RBFOX1: variants seen among roughly 807,000 people sequenced by gnomAD.
The protein encoded by RBFOX1 is RNA binding fox-1 homolog 1.
Under a neutral mutation model 57.7 loss-of-function variants are expected in RBFOX1, and 8 were observed. That is an observed-to-expected ratio of 0.14 (90% CI 0.08 to 0.25). The LOEUF is 0.25. Among genes scored for constraint, RBFOX1 ranks in the 10% least tolerant of loss-of-function variants. The pLI is 1.00. For synonymous variants in RBFOX1, 326 were observed against 222.4 expected (o/e 1.47, Z -4.15); for missense variants, 611 against 548.5 (o/e 1.11, Z -1.14).
intron 4 of RBFOX1, among the ~76,000 whole-genome samples, chr16:7,270,453 A>G (rs1357160461): frequency 1.3e-5 from 2 of 152,232 alleles, no homozygotes; most frequent in Non-Finnish European, 2.9e-5. Context: ...TTCAGACCTT[A>G]TGGAAATGTA....
rs578086137 is a variant in RBFOX1 at position 6,298,725 on chromosome 16, C to T, written c.-126-18270C>T. Among the ~76,000 whole-genome samples, 119 of 152,292 alleles carry T rather than the reference C, an allele frequency of 7.8e-4. 1 individual carries two copies. Among genetic ancestry groups the T allele is most frequent in the Middle Eastern group, 3.4e-3 (1 of 294 alleles). On this transcript the variant is annotated intron_variant, in intron 1 of 15. Transcript: ENST00000550418. ...GCAGTGTTCGAGAATGACAAGCCATCTCAAGAGACTGTTTTCCAAAGGTTA... is the reference window on the plus strand; with the variant it reads ...GCAGTGTTCGAGAATGACAAGCCATTTCAAGAGACTGTTTTCCAAAGGTTA...
At chr16:5,969,298 C>CTTTTT (rs71142659) in intron 4 of RBFOX1, among the ~76,000 whole-genome samples, 5,810 of 83,994 alleles carry the variant, frequency 0.069, 4 homozygotes, top group African/African-American at 0.12. Flanking sequence ...TTCGGTTGTT[C>CTTTTT]TTTTTTTTTT....
At chr16:7,564,195 G>A (rs1601910490) in intron 5 of RBFOX1, among the ~76,000 whole-genome samples, 1 of 152,214 alleles carries the variant, frequency 6.6e-6, no homozygotes, top group East Asian at 1.9e-4. Context: ...TATCCATACA[G>A]GAGGCAGAGA....
chr16:7,047,443 C>T (rs994129084), intron 3 of RBFOX1, among the ~76,000 whole-genome samples: 2 of 152,052 alleles, frequency 1.3e-5, no homozygotes, highest in African/African-American at 4.8e-5. Flanking sequence ...TTGTTGGGCC[C>T]TTACAAGCAT....
rs114014170 is a variant in RBFOX1, at chr16:5,865,965, C to T, written c.319-1338C>T. Among the ~76,000 whole-genome samples the T allele has an allele frequency of 3.6e-3, 551 of 152,072 alleles. 1 individual carries two copies. The highest frequency in any genetic ancestry group is 0.013 in the African/African-American group (530 of 41,488). ...AAGTAAGTTCTCTGCTCTCTCTCCTCTTTTATGTTTCATTTTTTTAAGACG... is the reference window on the plus strand; with the variant it reads ...AAGTAAGTTCTCTGCTCTCTCTCCTTTTTTATGTTTCATTTTTTTAAGACG... On this transcript the variant is annotated intron_variant, in intron 3 of 19. Transcript: ENST00000641259.
chr16:6,530,177 T>C (rs2096637059), intron 2 of RBFOX1, among the ~76,000 whole-genome samples: 1 of 152,210 alleles, frequency 6.6e-6, no homozygotes, highest in African/African-American at 2.4e-5. Flanking sequence ...GGATTTTGTA[T>C]GACTTTGGAG....
intron 1 of RBFOX1, among the ~76,000 whole-genome samples, chr16:5,313,344 C>T (rs1163411718): frequency 6.6e-6 from 1 of 152,096 alleles, no homozygotes; most frequent in East Asian, 1.9e-4. Context: ...ATATGGCTTT[C>T]CCCACAGTGA....
intron 3 of RBFOX1, among the ~76,000 whole-genome samples, chr16:5,801,923 C>A (rs936755127): frequency 6.6e-6 from 1 of 152,072 alleles, no homozygotes; most frequent in African/African-American, 2.4e-5. Context: ...TAAAGGAAAG[C>A]GAATTCCCCT....
At chr16:5,803,631 G>C (rs1368370409) in intron 3 of RBFOX1, among the ~76,000 whole-genome samples, 2 of 152,056 alleles carry the variant, frequency 1.3e-5, no homozygotes, top group East Asian at 3.9e-4. Flanking sequence ...GATGAAATAG[G>C]GATGAATTAA....
At chr16:7,342,873 A>C (rs1320012815) in intron 4 of RBFOX1, among the ~76,000 whole-genome samples, 1 of 152,182 alleles carries the variant, frequency 6.6e-6, no homozygotes, top group Non-Finnish European at 1.5e-5. Context: ...CAGAGGTTGC[A>C]TCAGGGGGCC....
chr16:7,185,775 T>C (rs932840173), intron 4 of RBFOX1, among the ~76,000 whole-genome samples: 3 of 152,166 alleles, frequency 2.0e-5, no homozygotes, highest in African/African-American at 7.2e-5. Flanking sequence ...AACTGTAAAG[T>C]CTTTACACTG....
intron 4 of RBFOX1, among the ~76,000 whole-genome samples, chr16:5,951,734 C>T (rs141711341): frequency 1.3e-5 from 2 of 152,206 alleles, no homozygotes; most frequent in Non-Finnish European, 2.9e-5. Context: ...CCATCCTTCT[C>T]CCTTACTTAC....
At chr16:7,171,338 G>T (rs183788250) in intron 4 of RBFOX1, among the ~76,000 whole-genome samples, 2 of 152,182 alleles carry the variant, frequency 1.3e-5, no homozygotes, top group Admixed American at 1.3e-4. Flanking sequence ...TGAGGGTTCA[G>T]TGGGAAAATG....
chr16:6,271,184 G>T (rs2075166150), intron 1 of RBFOX1, among the ~76,000 whole-genome samples: 1 of 152,196 alleles, frequency 6.6e-6, no homozygotes, highest in Non-Finnish European at 1.5e-5. Context: ...AGCACTTTGG[G>T]AGGCCGAGGT....
intron 3 of RBFOX1, among the ~76,000 whole-genome samples, chr16:5,740,003 G>A (rs915556114): frequency 2.0e-5 from 3 of 152,246 alleles, no homozygotes; most frequent in Non-Finnish European, 2.9e-5. Context: ...GTGGCCAGCA[G>A]TGGGAGGGGT....
chr16:5,863,640 C>G (rs551187231), intron 3 of RBFOX1, among the ~76,000 whole-genome samples: 1 of 152,114 alleles, frequency 6.6e-6, no homozygotes, highest in Non-Finnish European at 1.5e-5. Context: ...CTGAATGCAG[C>G]GTAGAGAGGG....
chr16:7,251,234 T>G (rs1278894592), intron 4 of RBFOX1, among the ~76,000 whole-genome samples: 1 of 152,160 alleles, frequency 6.6e-6, no homozygotes, highest in Non-Finnish European at 1.5e-5. Flanking sequence ...GTTCAACTAT[T>G]TCAGATTCTA....
intron 2 of RBFOX1, among the ~76,000 whole-genome samples, chr16:6,618,117 C>G (rs2098170270): frequency 6.6e-6 from 1 of 152,134 alleles, no homozygotes; most frequent in African/African-American, 2.4e-5. Context: ...TCCACCTTAT[C>G]CTAACCGTCA....
In RBFOX1 at chr16:6,300,449, C is replaced by G. The variant is rs190609987; in HGVS notation, c.-126-16546C>G. ...CATAAATATACACAATTTTTGTCAACTTAAAGAATAAAAAGAAATCCCTCC... is the reference window on the plus strand; with the variant it reads ...CATAAATATACACAATTTTTGTCAAGTTAAAGAATAAAAAGAAATCCCTCC... On this transcript the variant is annotated intron_variant, in intron 1 of 15. Transcript: ENST00000550418. Among the ~76,000 whole-genome samples the G allele has an allele frequency of 9.7e-4, 147 of 152,264 alleles. 1 individual carries two copies. The highest frequency in any genetic ancestry group is 1.0e-3 in the Non-Finnish European group (70 of 68,006).
Sources: allele counts gnomAD v4.1 joint callset (sites outside exome capture counted in the v4.1 genomes callset), GRCh38; gene constraint gnomAD v4.1.1; transcripts MANE v1.5; gene names NCBI Gene and HGNC (gene_info 2026-07-23, HGNC 2026-07-21).